Variants in HCRTR2 observed in about 807,000 individuals in gnomAD.
The protein encoded by HCRTR2 is orexin receptor type 2.
In HCRTR2, 22 loss-of-function variants were observed where a neutral mutation model predicts 49.0. The observed-to-expected ratio is 0.45, with a 90% CI of 0.32 to 0.64. HCRTR2 has a LOEUF of 0.64. Among genes scored for constraint, HCRTR2 ranks in the 30% least tolerant of loss-of-function variants. The probability of loss-of-function intolerance (pLI) is 0.04; values close to 1 mark genes in which losing one functional copy is unlikely to be tolerated. For synonymous variants in HCRTR2, 236 were observed against 205.3 expected, an observed-to-expected ratio of 1.15 and a Z score of -1.28; for missense variants, 491 against 559.4, an observed-to-expected ratio of 0.88 and a Z score of 1.23.
At chr6:55,272,815 A>G (rs1035268124) in intron 4 of HCRTR2, among the ~76,000 whole-genome samples, 1 of 151,142 alleles carries the variant, frequency 6.6e-6, no homozygotes, top group African/African-American at 2.4e-5. Context: ...CCATGAAACC[A>G]TATATCAAGT....
rs559420596 is a variant in HCRTR2, at chr6:55,161,713, A to T, written c.-377-12498A>T. The stretch of plus-strand genomic sequence containing the variant: ...GAGAATACTATAGACACCTCTATGC[A>T]AATAAACTAGAAAACCTAGAAGAAA... On this transcript the variant is annotated intron_variant, in intron 1 of 7. Transcript: ENST00000615358. Among the ~76,000 whole-genome samples, 505 of 152,352 alleles carry T rather than the reference A, an allele frequency of 3.3e-3. 1 individual carries two copies. The highest frequency in any genetic ancestry group is 5.7e-3 in the Non-Finnish European group (388 of 68,040).
chr6:55,256,337 G>A (rs1402713430), intron 3 of HCRTR2, among the ~76,000 whole-genome samples: 1 of 151,972 alleles, frequency 6.6e-6, no homozygotes, highest in Non-Finnish European at 1.5e-5. Context: ...GCACACCAGG[G>A]ACTGATTAAG....
intron 1 of HCRTR2, among the ~76,000 whole-genome samples, chr6:55,220,138 T>G (rs116834254): frequency 6.6e-6 from 1 of 152,282 alleles, no homozygotes; most frequent in African/African-American, 2.4e-5. Context: ...AAATGCCAAT[T>G]CTTCTCAAAC....
chr6:55,230,940 G>T (rs946161114), intron 1 of HCRTR2, among the ~76,000 whole-genome samples: 1 of 151,912 alleles, frequency 6.6e-6, no homozygotes, highest in African/African-American at 2.4e-5. Context: ...CTGCGAGGAG[G>T]CAGTAAGAAG....
At chr6:55,183,827 GA>G (rs1765172642) in intron 1 of HCRTR2, among the ~76,000 whole-genome samples, 1 of 151,990 alleles carries the variant, frequency 6.6e-6, no homozygotes, top group Non-Finnish European at 1.5e-5. Flanking sequence ...GAAAACGAAG[GA>G]AAAACAAGGA....
At chr6:55,229,090 G>A (rs1766065145) in intron 1 of HCRTR2, among the ~76,000 whole-genome samples, 1 of 152,112 alleles carries the variant, frequency 6.6e-6, no homozygotes, top group African/African-American at 2.4e-5. Flanking sequence ...CACTTGTTAG[G>A]ATAACAAACA....
intron 1 of HCRTR2, among the ~76,000 whole-genome samples, chr6:55,133,717 G>C (rs1276128314): frequency 6.6e-6 from 1 of 151,064 alleles, no homozygotes; most frequent in African/African-American, 2.4e-5. Flanking sequence ...CTCCATCTAG[G>C]CATGTTTGTC....
chr6:55,250,895 A>G lies in HCRTR2; in HGVS notation c.402+2078A>G, dbSNP rs192511665. Among the ~76,000 whole-genome samples the G allele has an allele frequency of 3.0e-4, 45 of 152,262 alleles. 1 individual carries two copies. Among genetic ancestry groups the G allele is most frequent in the South Asian group, 2.1e-3 (10 of 4,826 alleles). On this transcript the variant is annotated intron_variant, in intron 2 of 6. Transcript: ENST00000370862. The stretch of plus-strand genomic sequence containing the variant: ...AAACTACTGGGTAACCACATGATGC[A>G]AAAGACTAGATCCATTTGTTACCCC...
chr6:55,146,464 C>T (rs188011477), intron 1 of HCRTR2, among the ~76,000 whole-genome samples: 32 of 151,960 alleles, frequency 2.1e-4, no homozygotes, highest in African/African-American at 5.5e-4. Context: ...TAATTCATTC[C>T]TGGGCAAATG....
chr6:55,171,603 C>T (rs1048172930), upstream of HCRTR2, among the ~76,000 whole-genome samples: 1 of 152,116 alleles, frequency 6.6e-6, no homozygotes, highest in Non-Finnish European at 1.5e-5. Context: ...TATTTTATGA[C>T]ATTGGAGTAC....
chr6:55,263,924 A>G (rs1438085239), intron 4 of HCRTR2, 102 bp downstream of exon 4: 2 of 739,744 alleles, frequency 2.7e-6, no homozygotes, highest in Middle Eastern at 2.3e-4. Context: ...TTTAGGATGC[A>G]CTTATAAACA....
At chr6:55,133,687 A>G (rs1387620225) in intron 1 of HCRTR2, among the ~76,000 whole-genome samples, 3 of 149,948 alleles carry the variant, frequency 2.0e-5, no homozygotes, top group Non-Finnish European at 4.4e-5. Context: ...CTATCTATCT[A>G]TCTATCTATC....
chr6:55,268,805 C>G (rs1205379494), intron 4 of HCRTR2, among the ~76,000 whole-genome samples: 1 of 151,914 alleles, frequency 6.6e-6, no homozygotes, highest in African/African-American at 2.4e-5. Flanking sequence ...GGATAGAAAA[C>G]ACAGGCAGGG....
At chr6:55,255,702 A>G (rs1766640155) in intron 3 of HCRTR2, among the ~76,000 whole-genome samples, 1 of 152,160 alleles carries the variant, frequency 6.6e-6, no homozygotes, top group East Asian at 1.9e-4. Context: ...ATGGAATACA[A>G]ATCCGATTAT....
chr6:55,257,545 A>C (rs1295415190), intron 3 of HCRTR2, among the ~76,000 whole-genome samples: 1 of 151,932 alleles, frequency 6.6e-6, no homozygotes, highest in African/African-American at 2.4e-5. Context: ...TCCCTGAATA[A>C]TCAAGTAACA....
At chr6:55,133,119 ATGTT>A (rs1561982046) in intron 1 of HCRTR2, among the ~76,000 whole-genome samples, 2 of 151,888 alleles carry the variant, frequency 1.3e-5, no homozygotes, top group African/African-American at 4.8e-5. Context: ...TTGATACAAT[ATGTT>A]TGTGTTGAAT....
downstream of HCRTR2, among the ~76,000 whole-genome samples, chr6:55,283,886 T>C (rs1161858982): frequency 6.6e-6 from 1 of 152,220 alleles, no homozygotes; most frequent in Non-Finnish European, 1.5e-5. Context: ...TGGGATTCTG[T>C]TACCTTGTGC....
chr6:55,267,092 C>G (rs1454102673), intron 4 of HCRTR2, among the ~76,000 whole-genome samples: 1 of 152,062 alleles, frequency 6.6e-6, no homozygotes, highest in Non-Finnish European at 1.5e-5. Flanking sequence ...AGTGAATTAA[C>G]CCCAAATGCG....
intron 1 of HCRTR2, among the ~76,000 whole-genome samples, chr6:55,135,156 A>G (rs1377016902): frequency 6.6e-6 from 1 of 152,122 alleles, no homozygotes; most frequent in Non-Finnish European, 1.5e-5. Context: ...TGTAAAAAAT[A>G]TTTGTCCAAA....
Sources: allele counts gnomAD v4.1 joint callset (sites outside exome capture counted in the v4.1 genomes callset), GRCh38; gene constraint gnomAD v4.1.1; transcripts MANE v1.5; gene names NCBI Gene and HGNC (gene_info 2026-07-23, HGNC 2026-07-21).